RORA: variants seen among roughly 807,000 people sequenced by gnomAD.
RORA encodes the protein nuclear receptor ROR-alpha.
A neutral mutation model predicts 69.5 loss-of-function variants in RORA; 7 were observed. That is an observed-to-expected ratio of 0.10 (90% confidence interval 0.06 to 0.19). RORA has a LOEUF of 0.19. Among genes scored for constraint, RORA ranks in the 10% least tolerant of loss-of-function variants. The probability of loss-of-function intolerance (pLI) is 1.00; values close to 1 mark genes in which losing one functional copy is unlikely to be tolerated. For missense variants in RORA, 457 were observed against 663.0 expected (o/e 0.69, Z 3.41); for synonymous variants, 261 against 240.8 (o/e 1.08, Z -0.78).
chr15:61,109,429 G>T (rs533863803), intron 1 of RORA, among the ~76,000 whole-genome samples: 13 of 152,160 alleles, frequency 8.5e-5, no homozygotes, highest in Non-Finnish European at 1.5e-5. Flanking sequence ...TACTGGCAAA[G>T]TGACACGCAG....
chr15:60,947,228 G>A (rs1213769846), intron 1 of RORA, among the ~76,000 whole-genome samples: 3 of 152,232 alleles, frequency 2.0e-5, no homozygotes, highest in African/African-American at 7.2e-5. Context: ...CCATGATGAC[G>A]ATGGCGGTTT....
chr15:60,894,675 C>A (rs1278281333), intron 1 of RORA, among the ~76,000 whole-genome samples: 2 of 152,174 alleles, frequency 1.3e-5, no homozygotes. Flanking sequence ...CCTAGACTTT[C>A]GGATTCTGCA....
At chr15:60,592,625 C>A in intron 2 of RORA, 1 of 1,152,318 alleles carries the variant, frequency 8.7e-7, no homozygotes, top group African/African-American at 1.8e-5. Flanking sequence ...TCCGCTTCCT[C>A]CCGGGGCGGG....
chr15:60,591,751 C>A (rs2068520340), intron 2 of RORA, among the ~76,000 whole-genome samples: 1 of 152,122 alleles, frequency 6.6e-6, no homozygotes, highest in Non-Finnish European at 1.5e-5. Flanking sequence ...ACGCTCGAGG[C>A]GCCCGTCTCG....
At chr15:60,653,298 C>CGT (rs61265165) in intron 2 of RORA, among the ~76,000 whole-genome samples, 3,754 of 147,540 alleles carry the variant, frequency 0.025, 114 homozygotes, top group African/African-American at 0.067. Flanking sequence ...CAGGTGCATG[C>CGT]GTGTGTGTGT....
At chr15:61,182,162 T>G (rs1467457922) in intron 1 of RORA, among the ~76,000 whole-genome samples, 1 of 152,184 alleles carries the variant, frequency 6.6e-6, no homozygotes, top group Non-Finnish European at 1.5e-5. Context: ...GAAGGAAATC[T>G]CACCATGGAA....
At chr15:61,053,561 C>T (rs1721723166) in intron 1 of RORA, among the ~76,000 whole-genome samples, 1 of 152,010 alleles carries the variant, frequency 6.6e-6, no homozygotes, top group Admixed American at 6.6e-5. Context: ...CTCCTGATTT[C>T]CTGGTCCCTC....
At chr15:60,702,724 G>A (rs1050711665) in intron 1 of RORA, among the ~76,000 whole-genome samples, 1 of 152,174 alleles carries the variant, frequency 6.6e-6, no homozygotes, top group African/African-American at 2.4e-5. Flanking sequence ...CACATGGTAG[G>A]TCCTAAAAAC....
chr15:61,033,744 C>G (rs7181966), intron 1 of RORA, among the ~76,000 whole-genome samples: 25,152 of 151,882 alleles, frequency 0.17, 3,154 homozygotes, highest in East Asian at 0.51. Context: ...CCAGATTTTC[C>G]AGATTTAGTA....
chr15:60,660,866 C>G (rs1047777532), intron 2 of RORA, among the ~76,000 whole-genome samples: 3 of 152,170 alleles, frequency 2.0e-5, no homozygotes, highest in Non-Finnish European at 2.9e-5. Context: ...AAGTCCTTAT[C>G]CCTTTCCTTG....
chr15:61,024,627 T>C (rs1198994281), intron 1 of RORA, among the ~76,000 whole-genome samples: 1 of 151,870 alleles, frequency 6.6e-6, no homozygotes, highest in Non-Finnish European at 1.5e-5. Context: ...ATTTTTGTAT[T>C]TTTTGTGGAG....
chr15:61,119,623 G>A (rs972404165), intron 1 of RORA, among the ~76,000 whole-genome samples: 21 of 151,918 alleles, frequency 1.4e-4, no homozygotes, highest in African/African-American at 4.6e-4. Flanking sequence ...CTATCCTTCA[G>A]GGCTTCCTCC....
At chr15:60,678,557 G>T in intron 2 of RORA, 100 bp downstream of exon 2, 1 of 917,932 alleles carries the variant, frequency 1.1e-6, no homozygotes, top group Non-Finnish European at 1.8e-6. Flanking sequence ...ATGGATCACA[G>T]CTGAAACATT....
At chr15:60,642,534 C>T (rs527479187) in intron 2 of RORA, among the ~76,000 whole-genome samples, 3 of 152,282 alleles carry the variant, frequency 2.0e-5, no homozygotes, top group African/African-American at 7.2e-5. Flanking sequence ...CTATGTCCTT[C>T]CTACAAGGAT....
At chr15:61,218,968 G>A (rs968377487) in intron 1 of RORA, among the ~76,000 whole-genome samples, 1 of 152,164 alleles carries the variant, frequency 6.6e-6, no homozygotes, top group East Asian at 1.9e-4. Flanking sequence ...CCTCCTGGCT[G>A]TGTCTAGCTC....
At chr15:60,555,644 G>A (rs2067335893) in intron 2 of RORA, among the ~76,000 whole-genome samples, 1 of 151,998 alleles carries the variant, frequency 6.6e-6, no homozygotes, top group Non-Finnish European at 1.5e-5. Context: ...CAAGCAGAAT[G>A]GGGCCAATAA....
intron 1 of RORA, among the ~76,000 whole-genome samples, chr15:60,954,591 T>C (rs1410526228): frequency 6.6e-6 from 1 of 152,180 alleles, no homozygotes; most frequent in Admixed American, 6.5e-5. Flanking sequence ...CCTATTGACC[T>C]ATGTGGGGTT....
At chr15:60,723,486 A>G (rs1036301029) in intron 1 of RORA, among the ~76,000 whole-genome samples, 1 of 152,058 alleles carries the variant, frequency 6.6e-6, no homozygotes, top group Non-Finnish European at 1.5e-5. Context: ...GGGAAAAAGC[A>G]AAGGAGAAAC....
At chr15:61,174,580 C>T (rs2079611993) in intron 1 of RORA, among the ~76,000 whole-genome samples, 1 of 152,192 alleles carries the variant, frequency 6.6e-6, no homozygotes, top group Non-Finnish European at 1.5e-5. Context: ...TGTGTCAAAA[C>T]TTCCTGTCAT....
Sources: allele counts gnomAD v4.1 joint callset (sites outside exome capture counted in the v4.1 genomes callset), GRCh38; gene constraint gnomAD v4.1.1; transcripts MANE v1.5; gene names NCBI Gene and HGNC (gene_info 2026-07-23, HGNC 2026-07-21).